Variants in TDRD7 observed in about 807,000 individuals in gnomAD.
TDRD7 encodes the protein tudor domain-containing protein 7.
Under a neutral mutation model 109.8 loss-of-function variants are expected in TDRD7, and 47 were observed. The observed-to-expected ratio is 0.43, with a 90% confidence interval of 0.34 to 0.55. TDRD7 has a LOEUF of 0.55. TDRD7 is among the 20% of genes least tolerant of loss of function. The probability of loss-of-function intolerance (pLI) is 0.03; values close to 1 mark genes in which losing one functional copy is unlikely to be tolerated. For synonymous variants in TDRD7, 424 were observed against 457.3 expected, an observed-to-expected ratio of 0.93 and a Z score of 0.93; for missense variants, 1,164 against 1,319.2, an observed-to-expected ratio of 0.88 and a Z score of 1.82.
chr9:97,439,625 CT>C (rs1233742777), intron 5 of TDRD7, among the ~76,000 whole-genome samples: 5 of 152,272 alleles, frequency 3.3e-5, no homozygotes, highest in Middle Eastern at 6.8e-3. Context: ...GGGTGCACCC[CT>C]GAGACTTCAG....
At chr9:97,494,151 A>G (rs1449341894) in intron 16 of TDRD7, among the ~76,000 whole-genome samples, 3 of 152,248 alleles carry the variant, frequency 2.0e-5, no homozygotes, top group African/African-American at 7.2e-5. Flanking sequence ...TTCACAATTT[A>G]TGTTCAGAGA....
chr9:97,484,839 G>C (rs747251757), intron 15 of TDRD7, among the ~76,000 whole-genome samples: 4 of 152,184 alleles, frequency 2.6e-5, no homozygotes, highest in African/African-American at 4.8e-5. Context: ...GGGGCAGATT[G>C]ATGATTAAAG....
intron 15 of TDRD7, among the ~76,000 whole-genome samples, chr9:97,484,083 A>G (rs962333859): frequency 6.6e-6 from 1 of 152,202 alleles, no homozygotes; most frequent in African/African-American, 2.4e-5. Context: ...AAGAAAAGTC[A>G]CTTGTTGGAA....
At chr9:97,453,601 G>A (rs1316978553) in intron 6 of TDRD7, among the ~76,000 whole-genome samples, 1 of 151,952 alleles carries the variant, frequency 6.6e-6, no homozygotes, top group South Asian at 2.1e-4. Flanking sequence ...CCCAGCCAAG[G>A]GAGGCAGTGA....
At chr9:97,481,199 A>G (rs1248710351) in intron 14 of TDRD7, among the ~76,000 whole-genome samples, 1 of 152,210 alleles carries the variant, frequency 6.6e-6, no homozygotes, top group Non-Finnish European at 1.5e-5. Flanking sequence ...TGTAGAAGAG[A>G]TGGTTCTCCA....
intron 9 of TDRD7, 67 bp downstream of exon 9, chr9:97,470,736 T>C: frequency 8.1e-7 from 1 of 1,233,402 alleles, no homozygotes; most frequent in South Asian, 1.2e-5. Context: ...ATTTGGATAG[T>C]TGAATCCTAA....
At chr9:97,475,523 AT>A in intron 12 of TDRD7, 54 bp downstream of exon 12, 1 of 1,255,212 alleles carries the variant, frequency 8.0e-7, no homozygotes, top group Non-Finnish European at 1.2e-6. Flanking sequence ...AATATTTCAA[AT>A]ATACACATAG....
rs549118359 is a variant in TDRD7 at position 97,465,528 on chromosome 9, C to T, written c.1629+500C>T. 3.9e-5 allele frequency among the ~76,000 whole-genome samples: 6 copies of T among 152,324 alleles called. No homozygotes were observed. The East Asian group carries it at 1.2e-3, about 29-fold the overall frequency. The stretch of plus-strand genomic sequence containing the variant: ...TTTGCCACTTGCTTCCATCAGCAGA[C>T]TCTTCTGGGCTTGGCTACATTCGTG... On this transcript the variant is annotated intron_variant, in intron 8 of 16. Transcript: ENST00000355295.
At chr9:97,458,628 T>G (rs1828660172) in intron 6 of TDRD7, among the ~76,000 whole-genome samples, 1 of 152,196 alleles carries the variant, frequency 6.6e-6, no homozygotes, top group Non-Finnish European at 1.5e-5. Context: ...AGACCTCTGC[T>G]TTCAGTGATG....
intron 1 of TDRD7, among the ~76,000 whole-genome samples, chr9:97,420,615 CCTTT>C (rs751428786): frequency 3.3e-5 from 5 of 152,096 alleles, no homozygotes; most frequent in Non-Finnish European, 5.9e-5. Context: ...ACAGATTGTT[CCTTT>C]CTATTACTGA....
intron 1 of TDRD7, among the ~76,000 whole-genome samples, chr9:97,413,122 T>A (rs775546481): frequency 3.7e-4 from 57 of 152,102 alleles, no homozygotes; most frequent in Non-Finnish European, 6.5e-4. Context: ...TCATTAACCC[T>A]CCTACCAACA....
chr9:97,431,786 T>G (rs1207699881), intron 3 of TDRD7, among the ~76,000 whole-genome samples: 1 of 152,160 alleles, frequency 6.6e-6, no homozygotes, highest in Non-Finnish European at 1.5e-5. Context: ...CACTGAAGTG[T>G]TCAGTTGGTG....
chr9:97,487,534 T>A (rs541363469), intron 16 of TDRD7, among the ~76,000 whole-genome samples: 1 of 152,238 alleles, frequency 6.6e-6, no homozygotes, highest in African/African-American at 2.4e-5. Flanking sequence ...TATCTGCTGT[T>A]TCTCTTTTCT....
chr9:97,495,993 G>T lies in TDRD7; in HGVS notation c.*110G>T, dbSNP rs774801020. The T allele has an allele frequency of 8.2e-6, 7 of 856,206 alleles. No homozygotes were observed. Among genetic ancestry groups the T allele is most frequent in the Non-Finnish European group, 1.2e-5 (6 of 514,854 alleles). The allele number at this position is 856,206 out of a possible 1,614,324, so 53.0% of individuals were successfully genotyped here. A position where few individuals can be genotyped will look rare whatever the true frequency, so the allele number is the denominator to read the frequency against. ...CTACATGGCTCTGACTGCTGTGGGG[G>T]ATTGAAAAGAATATGCTTATGTTTG... On this transcript the variant is annotated 3_prime_UTR_variant, in exon 17 of 17. Transcript: ENST00000355295.
chr9:97,473,699 A>C lies in TDRD7; in HGVS notation c.2079+73A>C, dbSNP rs1828961700. 3 of 1,601,010 alleles carry C rather than the reference A, an allele frequency of 1.9e-6. No homozygotes were observed. The South Asian group carries it at 3.3e-5, about 18-fold the overall frequency. On this transcript the variant is annotated intron_variant, in intron 11 of 16. Coordinates refer to ENST00000355295, the MANE Select transcript of TDRD7 (RefSeq NM_014290.3). ...GCAAGAGTAATTTACTAAATTGCAT[A>C]AGTATGAACAATTTTTTTTGTATGA...
chr9:97,473,515 C>G lies in TDRD7; in HGVS notation c.1968C>G (p.Val656=), dbSNP rs1256823378. The G allele has an allele frequency of 6.2e-7, 1 of 1,613,660 alleles. No individual in the cohort carries two copies. The highest frequency in any genetic ancestry group is 1.1e-5 in the South Asian group (1 of 91,074). ...AGGTTGACGCCATGTACACAAATGTCAAAGTAACTAATATTTGCTCTGATG... is the reference window on the plus strand; with the variant it reads ...AGGTTGACGCCATGTACACAAATGTGAAAGTAACTAATATTTGCTCTGATG... ...HLQVDAMYTN[V]KVTNICSDGT... The change falls in exon 11 of 17, where the codon GTC becomes GTG. Residue 656 remains valine, a synonymous_variant. Transcript: ENST00000355295.
intron 1 of TDRD7, among the ~76,000 whole-genome samples, chr9:97,414,607 G>A (rs2118184389): frequency 6.6e-6 from 1 of 152,254 alleles, no homozygotes. Context: ...CGTCTAGTAT[G>A]TAGACTTATG....
At chr9:97,421,635 T>C (rs1827900866) in intron 1 of TDRD7, among the ~76,000 whole-genome samples, 2 of 152,120 alleles carry the variant, frequency 1.3e-5, no homozygotes, top group South Asian at 4.1e-4. Context: ...TGTCGCACCA[T>C]GACGGCTCAC....
intron 1 of TDRD7, among the ~76,000 whole-genome samples, chr9:97,418,082 G>T (rs892188137): frequency 6.6e-6 from 1 of 152,172 alleles, no homozygotes; most frequent in East Asian, 1.9e-4. Flanking sequence ...CGGAGATCAC[G>T]CCACTGCCCT....
Sources: allele counts gnomAD v4.1 joint callset (sites outside exome capture counted in the v4.1 genomes callset), GRCh38; gene constraint gnomAD v4.1.1; transcripts MANE v1.5; gene names NCBI Gene and HGNC (gene_info 2026-07-23, HGNC 2026-07-21).